The following ASTN2 variants were observed in gnomAD, a reference collection of about 807,000 sequenced individuals.
ASTN2 encodes the protein astrotactin 2.
A neutral mutation model predicts 139.8 loss-of-function variants in ASTN2; 54 were observed. The observed-to-expected ratio is 0.39, with a 90% CI of 0.31 to 0.48. ASTN2 has a LOEUF of 0.48. ASTN2 is among the 20% of genes least tolerant of loss of function. The probability of loss-of-function intolerance (pLI) is 0.95; values close to 1 mark genes in which losing one functional copy is unlikely to be tolerated. For synonymous variants in ASTN2, 756 were observed against 719.5 expected (o/e 1.05, Z -0.81); for missense variants, 1,565 against 1,725.1 (o/e 0.91, Z 1.64).
chr9:116,493,987 T>C (rs1849598836), intron 19 of ASTN2, among the ~76,000 whole-genome samples: 1 of 152,186 alleles, frequency 6.6e-6, no homozygotes, highest in Admixed American at 6.5e-5. Flanking sequence ...CTGCATTTCC[T>C]TTACTTGGGC....
At chr9:117,096,846 A>T (rs1290684531) in intron 4 of ASTN2, among the ~76,000 whole-genome samples, 3 of 152,186 alleles carry the variant, frequency 2.0e-5, no homozygotes, top group Non-Finnish European at 4.4e-5. Context: ...GCACTGATAG[A>T]AAAAGGACTT....
chr9:116,686,755 G>T, intron 16 of ASTN2: 1 of 1,550,526 alleles, frequency 6.4e-7, no homozygotes, highest in Non-Finnish European at 8.7e-7. Context: ...CTCTGCTGTC[G>T]GCCTCCCAGC....
At chr9:116,702,572 T>A (rs1827859486) in intron 16 of ASTN2, among the ~76,000 whole-genome samples, 1 of 152,178 alleles carries the variant, frequency 6.6e-6, no homozygotes, top group South Asian at 2.1e-4. Context: ...GTGCCTAGTA[T>A]AGAATATGTT....
chr9:117,133,117 A>G (rs954348270), intron 4 of ASTN2, among the ~76,000 whole-genome samples: 3 of 152,322 alleles, frequency 2.0e-5, no homozygotes, highest in African/African-American at 7.2e-5. Context: ...GTGTACAACA[A>G]TATTTTTCAA....
At chr9:116,673,435 G>T (rs1184269041) in intron 16 of ASTN2, among the ~76,000 whole-genome samples, 1 of 152,160 alleles carries the variant, frequency 6.6e-6, no homozygotes, top group East Asian at 1.9e-4. Flanking sequence ...TCAAAGGGTG[G>T]TGTTATCAGT....
intron 1 of ASTN2, among the ~76,000 whole-genome samples, chr9:117,307,771 C>CA (rs1435120053): frequency 4.6e-5 from 7 of 152,302 alleles, no homozygotes; most frequent in Non-Finnish European, 8.8e-5. Flanking sequence ...TCCTCAAATA[C>CA]ATGGGTACAT....
intron 10 of ASTN2, among the ~76,000 whole-genome samples, chr9:116,911,260 G>A (rs930369719): frequency 2.2e-4 from 34 of 152,126 alleles, no homozygotes; most frequent in African/African-American, 8.2e-4. Context: ...TGGGAAGAAA[G>A]TTTAAGAAAG....
chr9:117,237,672 G>C (rs766731054), intron 2 of ASTN2, among the ~76,000 whole-genome samples: 1 of 152,140 alleles, frequency 6.6e-6, no homozygotes, highest in Non-Finnish European at 1.5e-5. Flanking sequence ...GTAGAGACAG[G>C]ATTTCACTGA....
chr9:116,658,208 A>C (rs1002275843), intron 16 of ASTN2, among the ~76,000 whole-genome samples: 1 of 152,130 alleles, frequency 6.6e-6, no homozygotes, highest in African/African-American at 2.4e-5. Flanking sequence ...GTTTTGTGAG[A>C]GGAACCCTCA....
At chr9:117,293,678 C>G (rs954081045) in intron 1 of ASTN2, among the ~76,000 whole-genome samples, 1 of 152,154 alleles carries the variant, frequency 6.6e-6, no homozygotes, top group African/African-American at 2.4e-5. Context: ...CCCACTGACC[C>G]CCTCCCAGCC....
At chr9:117,411,714 G>C (rs1013823014) in intron 1 of ASTN2, among the ~76,000 whole-genome samples, 1 of 152,136 alleles carries the variant, frequency 6.6e-6, no homozygotes, top group East Asian at 1.9e-4. Context: ...GTGACCAGAG[G>C]GCTTTGGTGG....
chr9:117,352,614 C>A (rs1335468266), intron 1 of ASTN2, among the ~76,000 whole-genome samples: 1 of 152,124 alleles, frequency 6.6e-6, no homozygotes, highest in African/African-American at 2.4e-5. Flanking sequence ...AAAGCCATCC[C>A]AAGCACTTTA....
intron 10 of ASTN2, among the ~76,000 whole-genome samples, chr9:116,960,735 A>G (rs140833222): frequency 1.3e-5 from 2 of 152,082 alleles, no homozygotes; most frequent in South Asian, 4.2e-4. Context: ...CAGTTTAGAG[A>G]TGAAGGAAGT....
At chr9:116,626,154 G>GTTTTTTTTTTTTTTT (rs751026997) in intron 17 of ASTN2, among the ~76,000 whole-genome samples, 7 of 34,440 alleles carry the variant, frequency 2.0e-4, no homozygotes, top group Admixed American at 5.1e-4. Flanking sequence ...TAGTTTTTGT[G>GTTTTTTTTTTTTTTT]TTTTTTTTTT....
At chr9:117,139,761 T>C (rs1830030392) in intron 4 of ASTN2, among the ~76,000 whole-genome samples, 1 of 151,996 alleles carries the variant, frequency 6.6e-6, no homozygotes, top group African/African-American at 2.4e-5. Flanking sequence ...CAAAAATGAA[T>C]CTAGTGCTTA....
chr9:117,103,479 A>C (rs1829030854), intron 4 of ASTN2, among the ~76,000 whole-genome samples: 1 of 152,146 alleles, frequency 6.6e-6, no homozygotes, highest in Non-Finnish European at 1.5e-5. Flanking sequence ...CATGTTATGG[A>C]AAAGTATGGA....
chr9:116,935,034 G>T (rs1835029895), intron 10 of ASTN2, among the ~76,000 whole-genome samples: 1 of 152,178 alleles, frequency 6.6e-6, no homozygotes, highest in Non-Finnish European at 1.5e-5. Context: ...GAGGTTAGGG[G>T]AGTACTATTT....
intron 4 of ASTN2, among the ~76,000 whole-genome samples, chr9:117,109,863 AC>A (rs1375914513): frequency 1.3e-5 from 2 of 152,076 alleles, no homozygotes; most frequent in South Asian, 2.1e-4. Context: ...AAATTGTTTC[AC>A]CTTTTTGGCC....
At chr9:116,788,321 GT>G (rs1285362593) in intron 13 of ASTN2, among the ~76,000 whole-genome samples, 4 of 152,068 alleles carry the variant, frequency 2.6e-5, no homozygotes, top group Admixed American at 2.6e-4. Flanking sequence ...GCTTTGAAAA[GT>G]TTTTTAATAT....
Sources: gnomAD v4.1 joint callset for allele counts (sites outside exome capture counted in the v4.1 genomes callset) on GRCh38, gnomAD v4.1.1 for gene constraint, MANE v1.5 for transcripts, NCBI Gene and HGNC (gene_info 2026-07-23, HGNC 2026-07-21) for gene names.